The following NLN variants were observed in gnomAD, a reference collection of about 807,000 sequenced individuals.
NLN encodes neurolysin, mitochondrial.
Under a neutral mutation model 79.9 loss-of-function variants are expected in NLN, and 64 were observed. The observed-to-expected ratio is 0.80, with a 90% CI of 0.65 to 0.99. The LOEUF (loss-of-function observed/expected upper bound fraction) is 0.99, where lower values mean the gene tolerates loss of function less well. NLN is among the 50% of genes least tolerant of loss of function. NLN has a pLI of 0.00. For missense variants in NLN, 835 were observed against 858.7 expected, an observed-to-expected ratio of 0.97 and a Z score of 0.34; for synonymous variants, 267 against 296.6, an observed-to-expected ratio of 0.90 and a Z score of 1.02.
chr5:65,782,447 AT>A (rs1301562174), intron 6 of NLN, among the ~76,000 whole-genome samples: 1 of 152,222 alleles, frequency 6.6e-6, no homozygotes, highest in Non-Finnish European at 1.5e-5. Flanking sequence ...ATACCCAAAT[AT>A]CACTTTTGGT....
intron 8 of NLN, among the ~76,000 whole-genome samples, chr5:65,790,351 A>G (rs1215897579): frequency 6.6e-6 from 1 of 152,218 alleles, no homozygotes; most frequent in Non-Finnish European, 1.5e-5. Flanking sequence ...CCTTTCTCAC[A>G]GTGCTGTAAA....
intron 1 of NLN, among the ~76,000 whole-genome samples, chr5:65,755,386 T>A (rs1759196560): frequency 6.6e-6 from 1 of 152,208 alleles, no homozygotes; most frequent in Admixed American, 6.5e-5. Flanking sequence ...CATCTTTGAT[T>A]TCCAGTTTCA....
At position 65,828,832 on chromosome 5, in the gene NLN, G is replaced by A. The variant is rs1161371929; in HGVS notation, c.*5917G>A. 2 of 152,108 alleles carry A rather than the reference G, an allele frequency of 1.3e-5. No homozygotes were observed. Among genetic ancestry groups the A allele is most frequent in the Non-Finnish European group, 2.9e-5 (2 of 68,010 alleles). The allele number at this position is 152,108 out of a possible 1,614,324, so 9.4% of individuals were successfully genotyped here. ...CCCTCAGATGAAACGTTCACAGGCT[G>A]GCTCTGAAAACTGGCATTCAGATGA... On this transcript the variant is annotated 3_prime_UTR_variant, in exon 13 of 13. Transcript: ENST00000380985.
rs1760894617 is a variant in NLN, at chr5:65,825,327, A to G, written c.*2412A>G. 1 of 152,070 alleles carries G rather than the reference A, an allele frequency of 6.6e-6. No homozygotes were observed. The highest frequency in any genetic ancestry group is 1.5e-5 in the Non-Finnish European group (1 of 68,022). 9.4% of individuals were successfully genotyped at this position (152,070 alleles called of 1,614,324 possible). A position where few individuals can be genotyped will look rare whatever the true frequency, so the allele number is the denominator to read the frequency against. ...TTGGACAAATGTACACTTTAGATTTATGGACTGAGCCACATATAATAAGGT... is the reference window on the plus strand; with the variant it reads ...TTGGACAAATGTACACTTTAGATTTGTGGACTGAGCCACATATAATAAGGT... On this transcript the variant is annotated 3_prime_UTR_variant, in exon 13 of 13. Transcript: ENST00000380985.
rs1302552525 is a variant in NLN at position 65,828,375 on chromosome 5, A to C, written c.*5460A>C. On this transcript the variant is annotated 3_prime_UTR_variant, in exon 13 of 13. Coordinates refer to ENST00000380985, the MANE Select transcript of NLN (RefSeq NM_020726.5). ...TAAGCAGACTTTGGCCAAGTAGTACAGTGTTTGCAGGAGCAGTAACAAGAT... is the reference window on the plus strand; with the variant it reads ...TAAGCAGACTTTGGCCAAGTAGTACCGTGTTTGCAGGAGCAGTAACAAGAT... 1 of 152,254 alleles carries C rather than the reference A, an allele frequency of 6.6e-6. No individual in the cohort carries two copies. Among genetic ancestry groups the C allele is most frequent in the African/African-American group, 2.4e-5 (1 of 41,472 alleles). 9.4% of individuals were successfully genotyped at this position (152,254 alleles called of 1,614,324 possible). A position where few individuals can be genotyped will look rare whatever the true frequency, so the allele number is the denominator to read the frequency against.
chr5:65,762,870 C>A, intron 2 of NLN, 90 bp from the exon 3 acceptor site: 1 of 1,235,094 alleles, frequency 8.1e-7, no homozygotes, highest in Non-Finnish European at 1.1e-6. Flanking sequence ...CTTTTATTGG[C>A]ATGATCATTC....
At chr5:65,724,859 T>G (rs1325207014) in intron 1 of NLN, among the ~76,000 whole-genome samples, 2 of 150,758 alleles carry the variant, frequency 1.3e-5, no homozygotes, top group African/African-American at 4.9e-5. Context: ...TGGAATGCAG[T>G]GGCGCTATCT....
Position 65,722,237 on chromosome 5 carries a change from G to C in NLN, c.-137G>C. The C allele has an allele frequency of 2.1e-6, 1 of 477,818 alleles. No homozygotes were observed. The highest frequency in any genetic ancestry group is 3.4e-6 in the Non-Finnish European group (1 of 291,192). 29.6% of individuals were successfully genotyped at this position (477,818 alleles called of 1,614,324 possible). The stretch of plus-strand genomic sequence containing the variant: ...GGCGTGGAGCTGCCGCACGTGGGAG[G>C]GCGCTGGCCAGGCAGCCACTGTGGC... On this transcript the variant is annotated 5_prime_UTR_variant, in exon 1 of 13. Transcript: ENST00000380985.
intron 6 of NLN, 69 bp downstream of exon 6, chr5:65,781,490 C>G: frequency 8.5e-7 from 1 of 1,181,664 alleles, no homozygotes; most frequent in East Asian, 2.3e-5. Context: ...ACTTTGTTCA[C>G]CAGTGTCAAA....
In NLN at chr5:65,824,314, G is replaced by A. The variant is rs1332644005; in HGVS notation, c.*1399G>A. On this transcript the variant is annotated 3_prime_UTR_variant, in exon 13 of 13. Transcript: ENST00000380985. The stretch of plus-strand genomic sequence containing the variant: ...TATTATACTACATAATAAAGTTACA[G>A]ATAGCAGGAAATGCAAGAGCTAGGA... The A allele has an allele frequency of 6.6e-6, 1 of 152,098 alleles. No homozygotes were observed. Among genetic ancestry groups the A allele is most frequent in the African/African-American group, 2.4e-5 (1 of 41,416 alleles). The allele number at this position is 152,098 out of a possible 1,614,324, so 9.4% of individuals were successfully genotyped here.
At chr5:65,799,931 C>T (rs1023874729) in intron 9 of NLN, among the ~76,000 whole-genome samples, 1 of 152,032 alleles carries the variant, frequency 6.6e-6, no homozygotes, top group Admixed American at 6.6e-5. Flanking sequence ...AAAAAAATAC[C>T]TTGCCTTGTT....
chr5:65,817,036 G>A (rs938938226), intron 12 of NLN, among the ~76,000 whole-genome samples: 1 of 151,930 alleles, frequency 6.6e-6, no homozygotes, highest in African/African-American at 2.4e-5. Context: ...CAAACCCCAG[G>A]GTCTGCTCTG....
Position 65,754,712 on chromosome 5 carries a change from A to G in NLN, c.42-3855A>G, listed in dbSNP as rs550218084. On this transcript the variant is annotated intron_variant, in intron 1 of 12. Transcript: ENST00000380985. ...ACCCCATACCACAAAGTAAGGAGGA[A>G]AGATCAGTATCTTCTTTTCCCCCAG... Among the ~76,000 whole-genome samples the G allele has an allele frequency of 3.0e-4, 46 of 152,300 alleles. No homozygotes were observed. The South Asian group carries it at 9.5e-3, about 32-fold the overall frequency.
chr5:65,793,169 G>A, intron 9 of NLN: 1 of 217,114 alleles, frequency 4.6e-6, no homozygotes, highest in Non-Finnish European at 9.3e-6. Context: ...GTGTATGTGT[G>A]CAGTAGATTA....
At chr5:65,740,170 A>C (rs1758838829) in intron 1 of NLN, among the ~76,000 whole-genome samples, 1 of 152,164 alleles carries the variant, frequency 6.6e-6, no homozygotes, top group Admixed American at 6.5e-5. Context: ...AAAGAAAAGA[A>C]ATTTATTATT....
chr5:65,758,933 A>G (rs1759282055), intron 2 of NLN, 107 bp downstream of exon 2: 1 of 969,836 alleles, frequency 1.0e-6, no homozygotes, highest in Non-Finnish European at 1.5e-6. Flanking sequence ...TGATTTTTAC[A>G]TTATAATTAA....
chr5:65,803,797 A>G (rs1166027027), intron 9 of NLN, among the ~76,000 whole-genome samples: 8 of 152,080 alleles, frequency 5.3e-5, no homozygotes, highest in African/African-American at 1.7e-4. Flanking sequence ...TTGCCCTGCC[A>G]ACTTAGAAGG....
At position 65,809,499 on chromosome 5, in the gene NLN, T is replaced by A; in HGVS notation, c.1528-16T>A. 1 of 1,567,502 alleles carries A rather than the reference T, an allele frequency of 6.4e-7. No homozygotes were observed. The highest frequency in any genetic ancestry group is 8.6e-7 in the Non-Finnish European group (1 of 1,161,666). On this transcript the variant is annotated splice_polypyrimidine_tract_variant and intron_variant, in intron 9 of 12. Coordinates refer to ENST00000380985, the MANE Select transcript of NLN (RefSeq NM_020726.5). Reference sequence around the variant, plus strand: ...CATTGAGTTCTTTAAAAAAATTCTCTGTGTTTGCTTTCTAGACTGATTTTG... The same window carrying A: ...CATTGAGTTCTTTAAAAAAATTCTCAGTGTTTGCTTTCTAGACTGATTTTG...
At chr5:65,731,808 T>C (rs1054229322) in intron 1 of NLN, among the ~76,000 whole-genome samples, 1 of 142,544 alleles carries the variant, frequency 7.0e-6, no homozygotes, top group Admixed American at 7.6e-5. Context: ...TGGAGTATAG[T>C]GGAACAATCT....
Sources: allele counts gnomAD v4.1 joint callset (sites outside exome capture counted in the v4.1 genomes callset), GRCh38; gene constraint gnomAD v4.1.1; transcripts MANE v1.5; gene names NCBI Gene and HGNC (gene_info 2026-07-23, HGNC 2026-07-21).